The following USP29 variants were observed in gnomAD, a reference collection of about 807,000 sequenced individuals.
The protein encoded by USP29 is ubiquitin specific peptidase 29, also known as ubiquitin carboxyl-terminal hydrolase 29.
For synonymous variants in USP29, 386 were observed against 387.4 expected, an observed-to-expected ratio of 1.00 and a Z score of 0.04; for missense variants, 1,102 against 1,069.0, an observed-to-expected ratio of 1.03 and a Z score of -0.43.
chr19:57,130,283 TTTATCTTC>T lies in USP29; in HGVS notation c.1613_1620del (p.Ser538LeufsTer3). The T allele has an allele frequency of 6.2e-7, 1 of 1,613,980 alleles. No individual in the cohort carries two copies. Among genetic ancestry groups the T allele is most frequent in the Non-Finnish European group, 8.5e-7 (1 of 1,180,006 alleles). ...AAGTTTATATTCCCAAATCTTTAAG[TTTATCTTC>T]TTATTGCAATGAAAGCACCAAACCA... On this transcript the variant is annotated frameshift_variant, in exon 4 of 4. Coordinates refer to ENST00000254181, the MANE Select transcript of USP29 (RefSeq NM_020903.3). LOFTEE classifies it low-confidence loss of function (END_TRUNC).
chr19:57,130,926 C>T lies in USP29; in HGVS notation c.2251C>T (p.Pro751Ser). Residue 751 changes from proline (P) to serine (S), a missense_variant, in exon 4 of 4, where the codon CCA (proline) becomes TCA (serine). Transcript: ENST00000254181. ...SIIDEFLQQA[P>S]PPGVRKLDAQ... ...CATAGATGAATTTCTTCAGCAGGCACCACCTCCAGGTGTTAGGAAGCTGGA... is the reference window on the plus strand; with the variant it reads ...CATAGATGAATTTCTTCAGCAGGCATCACCTCCAGGTGTTAGGAAGCTGGA... 1 of 1,614,172 alleles carries T rather than the reference C, an allele frequency of 6.2e-7. No individual in the cohort carries two copies. Among genetic ancestry groups the T allele is most frequent in the African/African-American group, 1.3e-5 (1 of 75,046 alleles).
rs773051974 is a variant in USP29 at position 57,129,912 on chromosome 19, G to T, written c.1237G>T (p.Gly413Cys). 10 of 1,614,022 alleles carry T rather than the reference G, an allele frequency of 6.2e-6. No homozygotes were observed. The Admixed American group carries it at 1.5e-4, about 24-fold the overall frequency. ...AAATTCATCTCCACAAATGCATGTT[G>T]GTAGTGCTGCCACCAAAGTGTTTGT... Reference protein sequence around the residue: ...DENSSPQMHVGSAATKVFVCP... With the variant: ...DENSSPQMHVCSAATKVFVCP... Residue 413 changes from glycine (G) to cysteine (C), a missense_variant, in exon 4 of 4, where the codon GGT becomes TGT. Physicochemically the swap from Gly to Cys is radical, Grantham distance 159. Coordinates refer to ENST00000254181, the MANE Select transcript of USP29 (RefSeq NM_020903.3).
chr19:57,121,304 A>G (rs1599914025), intron 1 of USP29, among the ~76,000 whole-genome samples: 1 of 146,586 alleles, frequency 6.8e-6, no homozygotes, highest in Non-Finnish European at 1.5e-5. Flanking sequence ...TATATGTTAT[A>G]TACTTATATA....
Position 57,129,885 on chromosome 19 carries a change from GAA to G in USP29, c.1213_1214del (p.Asn405PhefsTer9). The G allele has an allele frequency of 6.2e-7, 1 of 1,614,140 alleles. No homozygotes were observed. The highest frequency in any genetic ancestry group is 8.5e-7 in the Non-Finnish European group (1 of 1,180,028). On this transcript the variant is annotated frameshift_variant, in exon 4 of 4. Transcript: ENST00000254181. LOFTEE classifies it low-confidence loss of function (END_TRUNC). The part of the protein sequence containing the change: ...TLNTGKECGD[E>X]NSSPQMHVGS... Reference sequence around the variant, plus strand: ...GAATACTGGGAAAGAATGTGGGGATGAAAATTCATCTCCACAAATGCATGTTG... The same window carrying G: ...GAATACTGGGAAAGAATGTGGGGATGAATTCATCTCCACAAATGCATGTTG...
At chr19:57,128,180 T>C (rs2086833552) in intron 3 of USP29, among the ~76,000 whole-genome samples, 1 of 152,236 alleles carries the variant, frequency 6.6e-6, no homozygotes, top group African/African-American at 2.4e-5. Flanking sequence ...TTGGTCTCGC[T>C]GGGAGCTGCA....
chr19:57,121,976 GAT>G (rs2086800039), intron 1 of USP29, among the ~76,000 whole-genome samples: 1 of 134,056 alleles, frequency 7.5e-6, no homozygotes, highest in Non-Finnish European at 1.6e-5. Context: ...TAGATAGATA[GAT>G]ACATAGAACA....
chr19:57,121,497 TTATATA>T (rs1367510565), intron 1 of USP29, among the ~76,000 whole-genome samples: 3 of 127,506 alleles, frequency 2.4e-5, no homozygotes, highest in African/African-American at 2.7e-5. Context: ...TTATATATAC[TTATATA>T]TGTTATATAT....
Position 57,131,664 on chromosome 19 carries a change from G to A in USP29, c.*220G>A, listed in dbSNP as rs1599919768. The A allele has an allele frequency of 1.5e-6, 1 of 665,728 alleles. No homozygotes were observed. Among genetic ancestry groups the A allele is most frequent in the East Asian group, 3.1e-5 (1 of 32,404 alleles). 41.2% of individuals were successfully genotyped at this position (665,728 alleles called of 1,614,324 possible). On this transcript the variant is annotated 3_prime_UTR_variant, in exon 4 of 4. Transcript: ENST00000254181. ...ATATTTTCCCTGCAAGATTAGAATG[G>A]TGCTCTTCACGTTTTGACGGTGGTT...
intron 1 of USP29, among the ~76,000 whole-genome samples, chr19:57,120,563 G>A (rs958907397): frequency 6.6e-6 from 1 of 151,900 alleles, no homozygotes; most frequent in Non-Finnish European, 1.5e-5. Flanking sequence ...GAGGCGGGTA[G>A]ATCACCTGAG....
intron 1 of USP29, among the ~76,000 whole-genome samples, chr19:57,121,306 A>G (rs2086794395): frequency 6.8e-6 from 1 of 146,556 alleles, no homozygotes; most frequent in South Asian, 2.1e-4. Context: ...TATGTTATAT[A>G]CTTATATATG....
intron 1 of USP29, among the ~76,000 whole-genome samples, chr19:57,121,760 G>A (rs1038603287): frequency 2.0e-5 from 3 of 148,664 alleles, no homozygotes; most frequent in Non-Finnish European, 3.0e-5. Context: ...AAAAAGCACG[G>A]TTACTACAAA....
chr19:57,129,648 T>A lies in USP29; in HGVS notation c.973T>A (p.Phe325Ile). 1 of 1,614,230 alleles carries A rather than the reference T, an allele frequency of 6.2e-7. No individual in the cohort carries two copies. The change falls in exon 4 of 4, where the codon TTT becomes ATT. Residue 325 changes from phenylalanine to isoleucine, a missense_variant. Physicochemically the swap from Phe to Ile is conservative, Grantham distance 21. Transcript: ENST00000254181. ...AGGTGTCCCATGGGAATATATTCCCTTTGAGGCTCTTATTATGACCTTGAC... is the reference window on the plus strand; with the variant it reads ...AGGTGTCCCATGGGAATATATTCCCATTGAGGCTCTTATTATGACCTTGAC... The part of the protein sequence containing the change: ...TQGVPWEYIP[F>I]EALIMTLTQL...
Position 57,129,601 on chromosome 19 carries a change from T to G in USP29, c.926T>G (p.Phe309Cys). 1 of 1,614,254 alleles carries G rather than the reference T, an allele frequency of 6.2e-7. No individual in the cohort carries two copies. The highest frequency in any genetic ancestry group is 8.5e-7 in the Non-Finnish European group (1 of 1,180,056). ...VLQSLFAIPSFADDLLTQGVP... is the reference protein window; with the variant it reads ...VLQSLFAIPSCADDLLTQGVP... ...CAATCGCTATTTGCAATTCCATCTT[T>G]TGCTGATGACTTACTCACTCAAGGT... Residue 309 changes from phenylalanine (F) to cysteine (C), a missense_variant, in exon 4 of 4, where the codon TTT becomes TGT. By Grantham distance (205) the Phe-to-Cys change is radical (BLOSUM62 -2). Transcript: ENST00000254181.
chr19:57,131,283 C>A lies in USP29; in HGVS notation c.2608C>A (p.Gln870Lys). Residue 870 changes from glutamine (Q) to lysine (K), a missense_variant, in exon 4 of 4, where the codon CAG becomes AAG. Coordinates refer to ENST00000254181, the MANE Select transcript of USP29 (RefSeq NM_020903.3). ...CVSEISETKMQEARLHSGYIF... is the reference protein window; with the variant it reads ...CVSEISETKMKEARLHSGYIF... ...ATCAGAAATCTCAGAGACCAAAATG[C>A]AGGAGGCGAGGCTTCACTCTGGGTA... The A allele has an allele frequency of 6.2e-7, 1 of 1,614,156 alleles. No individual in the cohort carries two copies. The highest frequency in any genetic ancestry group is 1.7e-5 in the Admixed American group (1 of 60,006).
At chr19:57,122,736 G>C (rs1053710372) in intron 2 of USP29, among the ~76,000 whole-genome samples, 1 of 151,998 alleles carries the variant, frequency 6.6e-6, no homozygotes, top group Admixed American at 6.6e-5. Context: ...TGTGGCATTG[G>C]ATATTGGCAT....
At position 57,128,818 on chromosome 19, in the gene USP29, T is replaced by C; in HGVS notation, c.143T>C (p.Ile48Thr). The change falls in exon 4 of 4, where the codon ATA becomes ACA. Residue 48 changes from isoleucine to threonine, a missense_variant. Ile to Thr is a moderately conservative substitution (Grantham distance 89, BLOSUM62 -1). Coordinates refer to ENST00000254181, the MANE Select transcript of USP29 (RefSeq NM_020903.3). ...GTCACTTTCAAATCTGGAAAATTTA[T>C]AAGAATTTTTCAGCTGAGCAACAAC... ...LVVTFKSGKF[I>T]RIFQLSNNIR... 1.2e-5 allele frequency: 19 copies of C among 1,614,032 alleles called. No individual in the cohort carries two copies. Among genetic ancestry groups the C allele is most frequent in the Non-Finnish European group, 1.6e-5 (19 of 1,179,988 alleles).
intron 1 of USP29, among the ~76,000 whole-genome samples, chr19:57,121,442 TTA>T (rs1249391267): frequency 6.9e-6 from 1 of 145,404 alleles, no homozygotes; most frequent in Non-Finnish European, 1.5e-5. Context: ...TGTTATATAC[TTA>T]TATATGTTAT....
At chr19:57,121,345 T>C (rs1198374099) in intron 1 of USP29, among the ~76,000 whole-genome samples, 2 of 145,326 alleles carry the variant, frequency 1.4e-5, no homozygotes, top group African/African-American at 5.0e-5. Flanking sequence ...TATATACTTA[T>C]ATATGTTATA....
chr19:57,120,961 G>C (rs1290929150), intron 1 of USP29, among the ~76,000 whole-genome samples: 1 of 151,426 alleles, frequency 6.6e-6, no homozygotes, highest in African/African-American at 2.4e-5. Flanking sequence ...CAGGCGTGGT[G>C]GCGGGCTCCT....
Sources: gnomAD v4.1 joint callset for allele counts (sites outside exome capture counted in the v4.1 genomes callset) on GRCh38, gnomAD v4.1.1 for gene constraint, MANE v1.5 for transcripts, NCBI Gene and HGNC (gene_info 2026-07-23, HGNC 2026-07-21) for gene names.